Variants in RERE observed in about 807,000 individuals in gnomAD.
RERE encodes arginine-glutamic acid dipeptide repeats protein.
Under a neutral mutation model 146.1 loss-of-function variants are expected in RERE, and 40 were observed. The observed-to-expected ratio is 0.27, with a 90% CI of 0.21 to 0.36. The LOEUF is 0.36. RERE is among the 10% of genes least tolerant of loss of function. The pLI, the probability that RERE is intolerant of heterozygous loss-of-function variation, is 1.00. For synonymous variants in RERE, 1,003 were observed against 866.0 expected (o/e 1.16, Z -2.78); for missense variants, 1,933 against 2,138.7 (o/e 0.90, Z 1.90).
chr1:8,361,271 C>T lies in RERE; in HGVS notation c.2236G>A (p.Gly746Arg). Residue 746 changes from glycine to arginine, a missense_variant, in exon 18 of 23, where the codon GGG (glycine) becomes AGG (arginine). By Grantham distance (125) the Gly-to-Arg change is moderately radical. Coordinates refer to ENST00000400908, the MANE Select transcript of RERE (RefSeq NM_001042681.2). ...AQPPALQAPT[G>R]VTPAPSSAPP... ...GCTGAGGAGGGAGCTGGGGTGACCC[C>T]AGTGGGAGCCTGCAAGGCTGGGGGC... is the stretch of plus-strand genomic sequence containing the variant. The T allele has an allele frequency of 1.3e-6, 2 of 1,591,634 alleles. No homozygotes were observed. The highest frequency in any genetic ancestry group is 1.1e-5 in the South Asian group (1 of 87,378).
chr1:8,361,228 T>C lies in RERE; in HGVS notation c.2279A>G (p.Gln760Arg), dbSNP rs1485432186. 2 of 1,541,306 alleles carry C rather than the reference T, an allele frequency of 1.3e-6. No homozygotes were observed. The highest frequency in any genetic ancestry group is 1.7e-6 in the Non-Finnish European group (2 of 1,147,968). ...GGGCGTGGGCCCTGGCGTGGGCAGC[T>C]GAGGGGTCCCTGGAGGAGCTGAGGA... is the stretch of plus-strand genomic sequence containing the variant. ...APSSAPPGTP[Q>R]LPTPGPTPSA... The change falls in exon 18 of 23, where the codon CAG becomes CGG. Residue 760 changes from glutamine to arginine, a missense_variant. Around this residue, in one of 11 missense-constraint regions of RERE, gnomAD observed 1,255 missense variants for 1,153.8 expected, o/e 1.09. Transcript: ENST00000400908.
Position 8,758,247 on chromosome 1 carries a change from G to A in RERE, c.-145+58913C>T, listed in dbSNP as rs567366843. Among the ~76,000 whole-genome samples the A allele has an allele frequency of 3.9e-5, 6 of 151,984 alleles. 1 individual carries two copies. The highest frequency in any genetic ancestry group is 4.2e-4 in the South Asian group (2 of 4,808). On this transcript the variant is annotated intron_variant, in intron 1 of 22. Transcript: ENST00000400908. ...ATTACAGGCCTGCGCCACCATGCCC[G>A]GCAAATTTTAGTATTTTTTAGTAGA...
intron 12 of RERE, among the ~76,000 whole-genome samples, chr1:8,397,640 T>C (rs1486562507): frequency 6.6e-6 from 1 of 151,296 alleles, no homozygotes; most frequent in Non-Finnish European, 1.5e-5. Flanking sequence ...ATAACCCAAC[T>C]GTGCTACAGT....
At chr1:8,379,327 G>C (rs1415662487) in intron 12 of RERE, among the ~76,000 whole-genome samples, 1 of 152,116 alleles carries the variant, frequency 6.6e-6, no homozygotes, top group Admixed American at 6.5e-5. Flanking sequence ...AGCTGCGACC[G>C]GGGAAAGGAG....
intron 4 of RERE, among the ~76,000 whole-genome samples, chr1:8,613,560 C>G (rs771196868): frequency 2.6e-5 from 4 of 152,212 alleles, no homozygotes; most frequent in African/African-American, 4.8e-5. Flanking sequence ...GGAGCACTTT[C>G]TTTTCTACGA....
chr1:8,548,244 C>A (rs146099845), intron 6 of RERE, among the ~76,000 whole-genome samples: 1 of 151,960 alleles, frequency 6.6e-6, no homozygotes, highest in Non-Finnish European at 1.5e-5. Context: ...AAGGTGGGAG[C>A]GAAGAGGGAA....
At position 8,383,542 on chromosome 1, in the gene RERE, C is replaced by G. The variant is rs186469333; in HGVS notation, c.1285-17568G>C. On this transcript the variant is annotated intron_variant, in intron 12 of 22. Coordinates refer to ENST00000400908, the MANE Select transcript of RERE (RefSeq NM_001042681.2). ...ACCATCACTCCACTCTTAAATGTGT[C>G]GAAGAACATACACTTATGTTACAAT... Among the ~76,000 whole-genome samples, 430 of 152,070 alleles carry G rather than the reference C, an allele frequency of 2.8e-3. 3 individuals are homozygous for G. The highest frequency in any genetic ancestry group is 9.9e-3 in the African/African-American group (411 of 41,474).
At chr1:8,751,709 G>A (rs2131679) in intron 1 of RERE, among the ~76,000 whole-genome samples, 33,898 of 151,476 alleles carry the variant, frequency 0.22, 5,441 homozygotes, top group East Asian at 0.77. Context: ...CCTCAGAGAA[G>A]CCCTTCCTTT....
At chr1:8,729,812 C>T (rs1557507956) in intron 1 of RERE, among the ~76,000 whole-genome samples, 1 of 152,084 alleles carries the variant, frequency 6.6e-6, no homozygotes, top group Non-Finnish European at 1.5e-5. Flanking sequence ...ATTATGGGAA[C>T]TCATGGGAAG....
At chr1:8,735,575 T>C (rs138563970) in intron 1 of RERE, among the ~76,000 whole-genome samples, 1 of 152,304 alleles carries the variant, frequency 6.6e-6, no homozygotes, top group Non-Finnish European at 1.5e-5. Context: ...CCATATTCCA[T>C]AATAATATGG....
In RERE at chr1:8,676,144, T is replaced by C. The variant is rs193050217; in HGVS notation, c.-144-19703A>G. On this transcript the variant is annotated intron_variant, in intron 1 of 22. Transcript: ENST00000400908. ...AGTAAATTTCCCAGTGTAATTCATC[T>C]CCACATTACAAAACTTATAAATGAT... is the stretch of plus-strand genomic sequence containing the variant. 3.5e-4 allele frequency among the ~76,000 whole-genome samples: 53 copies of C among 152,304 alleles called. 2 individuals carry two copies. The highest frequency in any genetic ancestry group is 2.0e-3 in the Admixed American group (31 of 15,306).
At chr1:8,465,420 A>G in intron 11 of RERE, 1 of 287,350 alleles carries the variant, frequency 3.5e-6, no homozygotes, top group South Asian at 3.4e-5. Flanking sequence ...AGCATGGTAG[A>G]GCATGCCTAC....
chr1:8,732,263 C>T (rs529409139), intron 1 of RERE, among the ~76,000 whole-genome samples: 52 of 152,204 alleles, frequency 3.4e-4, no homozygotes, highest in Middle Eastern at 3.4e-3. Flanking sequence ...GTCCTTCAAC[C>T]GTACTTCATG....
intron 7 of RERE, among the ~76,000 whole-genome samples, chr1:8,537,208 C>T (rs1041946995): frequency 6.6e-6 from 1 of 151,992 alleles, no homozygotes; most frequent in Non-Finnish European, 1.5e-5. Flanking sequence ...TGTCTCAAAA[C>T]AAACAAAAAA....
At chr1:8,707,420 C>T (rs1044393112) in intron 1 of RERE, among the ~76,000 whole-genome samples, 2 of 152,166 alleles carry the variant, frequency 1.3e-5, no homozygotes, top group African/African-American at 4.8e-5. Flanking sequence ...AACCACCCTG[C>T]ATGGACTCTC....
At chr1:8,404,135 T>TA (rs1348336358) in intron 12 of RERE, among the ~76,000 whole-genome samples, 44 of 151,912 alleles carry the variant, frequency 2.9e-4, no homozygotes, top group African/African-American at 4.8e-4. Context: ...AGCTTTTTTT[T>TA]AAAAAAAATA....
At chr1:8,435,345 T>C (rs1207517838) in intron 11 of RERE, among the ~76,000 whole-genome samples, 1 of 152,236 alleles carries the variant, frequency 6.6e-6, no homozygotes. Flanking sequence ...TGACAACATA[T>C]AGCAGGTGCT....
intron 1 of RERE, among the ~76,000 whole-genome samples, chr1:8,695,697 T>C (rs1042368833): frequency 1.3e-5 from 2 of 148,830 alleles, no homozygotes; most frequent in African/African-American, 2.5e-5. Flanking sequence ...GAGGTGGAGG[T>C]TGCAGCGAGC....
At chr1:8,458,544 C>G (rs1644482165) in intron 11 of RERE, among the ~76,000 whole-genome samples, 1 of 152,188 alleles carries the variant, frequency 6.6e-6, no homozygotes, top group Admixed American at 6.5e-5. Flanking sequence ...CTGTATAGCC[C>G]TGATGTCTAA....
Sources: allele counts gnomAD v4.1 joint callset (sites outside exome capture counted in the v4.1 genomes callset), GRCh38; gene constraint gnomAD v4.1.1; regional missense constraint gnomAD v4.1.1; transcripts MANE v1.5; gene names NCBI Gene and HGNC (gene_info 2026-07-23, HGNC 2026-07-21).